The following NIPSNAP1 variants were observed in gnomAD, a reference collection of about 807,000 sequenced individuals.
NIPSNAP1 encodes nipsnap homolog 1, also known as protein NipSnap homolog 1.
In NIPSNAP1, 25 loss-of-function variants were observed where a neutral mutation model predicts 49.2. That is an observed-to-expected ratio of 0.51 (90% CI 0.37 to 0.71). The LOEUF is 0.71. Ranked by LOEUF, NIPSNAP1 falls within the 30% of genes least tolerant of loss-of-function variation. The pLI is 0.00. For synonymous variants in NIPSNAP1, 143 were observed against 140.7 expected, an observed-to-expected ratio of 1.02 and a Z score of -0.12; for missense variants, 294 against 361.0, an observed-to-expected ratio of 0.81 and a Z score of 1.50.
At chr22:29,569,994 A>G (rs1189841147) in intron 3 of NIPSNAP1, 168 bp downstream of exon 3, 1 of 682,650 alleles carries the variant, frequency 1.5e-6, no homozygotes, top group Non-Finnish European at 2.6e-6. Flanking sequence ...CATCTCAAAA[A>G]AAAAGAAAGA....
Position 29,581,087 on chromosome 22 carries a change from G to C in NIPSNAP1, c.-5C>G, listed in dbSNP as rs981911004. 6.5e-7 allele frequency: 1 copy of C among 1,541,230 alleles called. No individual in the cohort carries two copies. Among genetic ancestry groups the C allele is most frequent in the Non-Finnish European group, 8.7e-7 (1 of 1,146,034 alleles). ...GCTGCACAGCCGCGGAGCCATGTTG[G>C]AGCCGCAAAGGTTGCAGGAAGGCCC... On this transcript the variant is annotated 5_prime_UTR_variant, in exon 1 of 10. Transcript: ENST00000216121.
In NIPSNAP1 at chr22:29,576,162, G is replaced by A. The variant is rs538713486; in HGVS notation, c.98+4823C>T. Among the ~76,000 whole-genome samples the A allele has an allele frequency of 1.1e-3, 169 of 150,884 alleles. 11 individuals carry two copies. Among genetic ancestry groups the A allele is most frequent in the African/African-American group, 4.0e-3 (163 of 40,422 alleles). ...GCCTCCCGAGTAGCTGGGACTACAG[G>A]TGCGTGCTACCACACCCGGCTAATT... On this transcript the variant is annotated intron_variant, in intron 1 of 9. Transcript: ENST00000216121.
chr22:29,568,077 G>A (rs1296729628), intron 4 of NIPSNAP1, among the ~76,000 whole-genome samples: 1 of 149,230 alleles, frequency 6.7e-6, no homozygotes, highest in Non-Finnish European at 1.5e-5. Context: ...TACTCAGGAA[G>A]CTGAGGTGGG....
chr22:29,580,019 G>A (rs971611048), intron 1 of NIPSNAP1: 5 of 1,198,218 alleles, frequency 4.2e-6, no homozygotes, highest in Non-Finnish European at 5.6e-6. Context: ...GAACTTTGCA[G>A]CTTCATTCCT....
chr22:29,569,364 A>G (rs771202445), intron 3 of NIPSNAP1, 77 bp from the exon 4 acceptor site: 45 of 1,086,720 alleles, frequency 4.1e-5, no homozygotes, highest in Non-Finnish European at 6.3e-5. Context: ...AACTCAGTTC[A>G]AACAGACCCT....
intron 1 of NIPSNAP1, among the ~76,000 whole-genome samples, chr22:29,575,499 T>G (rs114168163): frequency 0.018 from 2,668 of 152,202 alleles, 76 homozygotes; most frequent in African/African-American, 0.061. Flanking sequence ...TCCCCAAGGG[T>G]ACATCTGCAA....
intron 1 of NIPSNAP1, among the ~76,000 whole-genome samples, chr22:29,572,811 T>A (rs75608879): frequency 0.021 from 2,289 of 111,530 alleles, 54 homozygotes; most frequent in African/African-American, 0.057. Context: ...AAAAATAAAA[T>A]AAAATAAAAT....
At chr22:29,580,952 C>G in intron 1 of NIPSNAP1, 33 bp downstream of exon 1, 1 of 1,497,854 alleles carries the variant, frequency 6.7e-7, no homozygotes, top group African/African-American at 1.4e-5. Flanking sequence ...CCCCACCCCG[C>G]GCGCGTCTAT....
intron 1 of NIPSNAP1, among the ~76,000 whole-genome samples, chr22:29,575,230 C>T (rs1475928753): frequency 6.6e-6 from 1 of 151,982 alleles, no homozygotes; most frequent in Non-Finnish European, 1.5e-5. Context: ...TTAACATCAG[C>T]ACTGACCAAG....
At chr22:29,577,690 A>T (rs2064463964) in intron 1 of NIPSNAP1, among the ~76,000 whole-genome samples, 2 of 150,880 alleles carry the variant, frequency 1.3e-5, no homozygotes, top group Non-Finnish European at 2.9e-5. Context: ...CTGGGATTAC[A>T]GGTGTGAGCC....
intron 8 of NIPSNAP1, 57 bp from the exon 9 acceptor site, chr22:29,559,010 G>T: frequency 7.7e-7 from 1 of 1,294,534 alleles, no homozygotes. Flanking sequence ...CCCTTACCCA[G>T]CACAGGGCCC....
intron 1 of NIPSNAP1, among the ~76,000 whole-genome samples, chr22:29,571,938 G>A (rs1032628468): frequency 6.6e-6 from 1 of 151,802 alleles, no homozygotes; most frequent in African/African-American, 2.4e-5. Context: ...ACCACATCCA[G>A]GTAATTTTCG....
chr22:29,561,146 C>G lies in NIPSNAP1; in HGVS notation c.611+25G>C, dbSNP rs372765883. 1.1e-3 allele frequency: 1,713 copies of G among 1,608,572 alleles called. 2 individuals carry two copies. Among genetic ancestry groups the G allele is most frequent in the Non-Finnish European group, 1.3e-3 (1,516 of 1,175,268 alleles). On this transcript the variant is annotated intron_variant, in intron 7 of 9. Coordinates refer to ENST00000216121, the MANE Select transcript of NIPSNAP1 (RefSeq NM_003634.4). ...GGTGAGCAGGGTACGCCTCCCCCAA[C>G]CCCAGTCTTGGTGCTGCCACTTACC...
At chr22:29,580,675 G>A (rs2064491029) in intron 1 of NIPSNAP1, among the ~76,000 whole-genome samples, 1 of 152,138 alleles carries the variant, frequency 6.6e-6, no homozygotes, top group Admixed American at 6.5e-5. Context: ...CACAAGCTAC[G>A]CCTGGGAATG....
At chr22:29,565,277 C>T (rs193289496) in intron 4 of NIPSNAP1, among the ~76,000 whole-genome samples, 21 of 151,876 alleles carry the variant, frequency 1.4e-4, no homozygotes, top group African/African-American at 2.4e-4. Flanking sequence ...TTTGGGAGGC[C>T]GAGGCAGGTG....
chr22:29,561,229 G>T (rs1325108313), intron 6 of NIPSNAP1, 27 bp from the exon 7 acceptor site: 2 of 1,612,408 alleles, frequency 1.2e-6, no homozygotes, highest in Non-Finnish European at 1.7e-6. Flanking sequence ...GGGATGATGG[G>T]AATGAGCCCC....
chr22:29,561,869 G>C lies in NIPSNAP1; in HGVS notation c.368-7C>G, dbSNP rs747096139. The C allele has an allele frequency of 6.2e-7, 1 of 1,614,034 alleles. No individual in the cohort carries two copies. Among genetic ancestry groups the C allele is most frequent in the Non-Finnish European group, 8.5e-7 (1 of 1,179,968 alleles). On this transcript the variant is annotated splice_polypyrimidine_tract_variant and splice_region_variant and intron_variant, in intron 4 of 9. Coordinates refer to ENST00000216121, the MANE Select transcript of NIPSNAP1 (RefSeq NM_003634.4). ...GAGAATCGCCACAGGTGCACTGTTG[G>C]GGGTGAGAGGTATAGGTCAGTGAGC...
intron 1 of NIPSNAP1, among the ~76,000 whole-genome samples, chr22:29,573,697 G>C (rs145069498): frequency 6.6e-6 from 1 of 150,782 alleles, no homozygotes; most frequent in African/African-American, 2.4e-5. Context: ...GAACCCAGGA[G>C]GTGGAGGTTG....
chr22:29,577,606 G>C (rs963074498), intron 1 of NIPSNAP1, among the ~76,000 whole-genome samples: 2 of 151,280 alleles, frequency 1.3e-5, no homozygotes, highest in Non-Finnish European at 2.9e-5. Context: ...TTTTAGTAGA[G>C]ACAGGGTTTC....
Sources: allele counts gnomAD v4.1 joint callset (sites outside exome capture counted in the v4.1 genomes callset), GRCh38; gene constraint gnomAD v4.1.1; transcripts MANE v1.5; gene names NCBI Gene and HGNC (gene_info 2026-07-23, HGNC 2026-07-21).